Variants in MAST2 observed in about 807,000 individuals in gnomAD.
The protein encoded by MAST2 is microtubule associated serine/threonine kinase 2.
MAST2 carries 70 observed loss-of-function variants against 147.4 expected under a neutral mutation model. The ratio of observed to expected loss-of-function variants is 0.47; its 90% CI spans 0.39 to 0.58. The LOEUF (loss-of-function observed/expected upper bound fraction) is 0.58, where lower values mean the gene tolerates loss of function less well. Ranked by LOEUF, MAST2 falls within the 20% of genes least tolerant of loss-of-function variation. The pLI is 0.00. For synonymous variants in MAST2, 869 were observed against 896.8 expected (o/e 0.97, Z 0.55); for missense variants, 2,080 against 2,302.3 (o/e 0.90, Z 1.98).
At chr1:45,954,200 A>G (rs780881648) in intron 4 of MAST2, among the ~76,000 whole-genome samples, 35 of 152,142 alleles carry the variant, frequency 2.3e-4, no homozygotes, top group Non-Finnish European at 3.2e-4. Context: ...GCAACCAGAC[A>G]TCTTATTCCA....
chr1:45,923,985 C>T (rs1392550202), intron 4 of MAST2, among the ~76,000 whole-genome samples: 1 of 152,178 alleles, frequency 6.6e-6, no homozygotes, highest in Non-Finnish European at 1.5e-5. Flanking sequence ...AATTCTCCTG[C>T]CTCAGCCTCC....
chr1:45,824,487 A>G lies in MAST2; in HGVS notation c.232A>G (p.Ile78Val). ...CTTCAGGAAACTCAGTAATCCTGAC[A>G]TATTTTCATCCACTGGAAAAGTTAA... ...LLFRKLSNPD[I>V]FSSTGKVKLQ... Residue 78 changes from isoleucine (I) to valine (V), a missense_variant, in exon 2 of 29, where the codon ATA (isoleucine) becomes GTA (valine). By Grantham distance (29) the Ile-to-Val change is conservative. Coordinates refer to ENST00000361297, the MANE Select transcript of MAST2 (RefSeq NM_015112.3). 2 of 1,612,968 alleles carry G rather than the reference A, an allele frequency of 1.2e-6. No homozygotes were observed. The highest frequency in any genetic ancestry group is 1.7e-6 in the Non-Finnish European group (2 of 1,179,280).
chr1:45,830,071 G>T (rs892809744), intron 3 of MAST2, among the ~76,000 whole-genome samples: 8 of 151,680 alleles, frequency 5.3e-5, no homozygotes, highest in African/African-American at 1.7e-4. Context: ...TGGCTAGGCT[G>T]GTCTTGAACT....
intron 3 of MAST2, among the ~76,000 whole-genome samples, chr1:45,837,979 G>A (rs1370317739): frequency 2.6e-5 from 4 of 151,834 alleles, no homozygotes; most frequent in East Asian, 1.9e-4. Flanking sequence ...GGGTTTCGCC[G>A]TGTTGGTCAA....
intron 4 of MAST2, among the ~76,000 whole-genome samples, chr1:45,941,668 C>CTATTTTTTTTT (rs150533221): frequency 9.2e-5 from 14 of 151,666 alleles, no homozygotes; most frequent in African/African-American, 2.9e-4. Context: ...TTGTTTATTC[C>CTATTTTTTTTT]TATTTGTTTT....
Position 46,030,924 on chromosome 1 carries a change from A to G in MAST2, c.2709-83A>G, listed in dbSNP as rs922760744. 9.2e-6 allele frequency: 14 copies of G among 1,527,248 alleles called. No homozygotes were observed. The African/African-American group carries it at 1.1e-4, about 12-fold the overall frequency. The allele number at this position is 1,527,248 out of a possible 1,614,324, so 94.6% of individuals were successfully genotyped here. ...GTCTGCGGAGGAAAGTTCTGTTACT[A>G]TAACCCTTGTGTGCCCCTAAGGAGA... On this transcript the variant is annotated intron_variant, in intron 22 of 28. Transcript: ENST00000361297.
At chr1:45,951,905 C>T (rs1258154700) in intron 4 of MAST2, among the ~76,000 whole-genome samples, 1 of 152,152 alleles carries the variant, frequency 6.6e-6, no homozygotes, top group East Asian at 1.9e-4. Flanking sequence ...CCTTCCAGAA[C>T]TGATTAGAAA....
chr1:45,918,586 T>C (rs1652937996), intron 4 of MAST2, among the ~76,000 whole-genome samples: 1 of 152,098 alleles, frequency 6.6e-6, no homozygotes, highest in African/African-American at 2.4e-5. Context: ...TACAGGCGGC[T>C]GCCCCCACAC....
At position 45,831,649 on chromosome 1, in the gene MAST2, A is replaced by AT. The variant is rs1226639902; in HGVS notation, c.468+2075dup. 4.6e-5 allele frequency among the ~76,000 whole-genome samples: 7 copies of AT among 151,922 alleles called. No individual in the cohort carries two copies. The East Asian group carries it at 9.6e-4, about 21-fold the overall frequency. ...TTGTTTTTTCTGTGTGTATATATGT[A>AT]TTTTTTTCCCGAAGCATTTCAAAGC... On this transcript the variant is annotated intron_variant, in intron 3 of 28. Transcript: ENST00000361297.
chr1:46,034,271 G>A lies in MAST2; in HGVS notation c.3868+5G>A, dbSNP rs375969790. 6.8e-5 allele frequency: 109 copies of A among 1,609,478 alleles called. No homozygotes were observed. In the African/African-American group the frequency reaches 8.4e-4, roughly 12 times the overall value. ...CCCCCGATGCTGTGCATTCAGGTAC[G>A]AAGGGCTCCCTGCAGATCAGTGACA... On this transcript the variant is annotated splice_donor_5th_base_variant and intron_variant, in intron 28 of 28. Transcript: ENST00000361297.
intron 5 of MAST2, among the ~76,000 whole-genome samples, chr1:45,984,866 A>G (rs1029182576): frequency 3.9e-5 from 6 of 152,162 alleles, no homozygotes; most frequent in East Asian, 3.8e-4. Context: ...AAAAAAATCC[A>G]TAAAAATGAG....
chr1:45,973,421 G>A (rs1425732603), intron 5 of MAST2, among the ~76,000 whole-genome samples: 1 of 152,094 alleles, frequency 6.6e-6, no homozygotes, highest in Non-Finnish European at 1.5e-5. Context: ...TTGAAAAACA[G>A]TCATTTGATC....
chr1:45,987,717 T>C (rs1223567586), intron 5 of MAST2, among the ~76,000 whole-genome samples: 1 of 148,502 alleles, frequency 6.7e-6, no homozygotes, highest in Non-Finnish European at 1.5e-5. Context: ...TTTCATTTGC[T>C]CCTCTTTTTT....
intron 4 of MAST2, among the ~76,000 whole-genome samples, chr1:45,936,274 G>C (rs1242229243): frequency 1.3e-5 from 2 of 152,196 alleles, no homozygotes; most frequent in African/African-American, 4.8e-5. Flanking sequence ...AAGTTTATCA[G>C]ATCTAGGAAC....
intron 4 of MAST2, among the ~76,000 whole-genome samples, chr1:45,896,286 C>T (rs1378010758): frequency 6.6e-6 from 1 of 152,148 alleles, no homozygotes; most frequent in Non-Finnish European, 1.5e-5. Flanking sequence ...CCTCCTTGGT[C>T]TCCCAAAGTG....
At chr1:46,032,754 A>G (rs773383015) in intron 26 of MAST2, 36 bp downstream of exon 26, 1 of 1,597,606 alleles carries the variant, frequency 6.3e-7, no homozygotes, top group Non-Finnish European at 8.5e-7. Context: ...TGGTCCCTGA[A>G]TGACCTCAGC....
intron 5 of MAST2, among the ~76,000 whole-genome samples, chr1:45,980,254 A>G: frequency 1.4e-5 from 2 of 140,196 alleles, no homozygotes; most frequent in Non-Finnish European, 3.0e-5. Context: ...CAGCCTGGGC[A>G]ACAGAGTGAG....
At chr1:45,863,041 A>G (rs543007567) in intron 3 of MAST2, among the ~76,000 whole-genome samples, 1 of 151,904 alleles carries the variant, frequency 6.6e-6, no homozygotes, top group African/African-American at 2.4e-5. Flanking sequence ...TTTATGGTTA[A>G]TGTTGATTTT....
chr1:45,997,501 A>G (rs1243005051), intron 5 of MAST2, among the ~76,000 whole-genome samples: 1 of 152,178 alleles, frequency 6.6e-6, no homozygotes, highest in Admixed American at 6.6e-5. Flanking sequence ...TAGATCTAGA[A>G]TGGTTATCTG....
Sources: gnomAD v4.1 joint callset for allele counts (sites outside exome capture counted in the v4.1 genomes callset) on GRCh38, gnomAD v4.1.1 for gene constraint, MANE v1.5 for transcripts, NCBI Gene and HGNC (gene_info 2026-07-23, HGNC 2026-07-21) for gene names.